GPBP1L1: variants seen among roughly 807,000 people sequenced by gnomAD.
The protein encoded by GPBP1L1 is vasculin-like protein 1.
A neutral mutation model predicts 52.5 loss-of-function variants in GPBP1L1; 23 were observed. The ratio of observed to expected loss-of-function variants is 0.44; its 90% CI spans 0.32 to 0.62. GPBP1L1 has a LOEUF of 0.62. GPBP1L1 is among the 20% of genes least tolerant of loss of function. The probability of loss-of-function intolerance (pLI) is 0.06; values close to 1 mark genes in which losing one functional copy is unlikely to be tolerated. For missense variants in GPBP1L1, 596 were observed against 579.3 expected (o/e 1.03, Z -0.30); for synonymous variants, 243 against 203.1 (o/e 1.20, Z -1.67).
intron 9 of GPBP1L1, 165 bp from the exon 10 acceptor site, chr1:45,633,812 T>C: frequency 1.3e-6 from 1 of 769,700 alleles, no homozygotes. Flanking sequence ...TTGCAGGGTT[T>C]ATATAGTTAA....
At chr1:45,680,141 T>C (rs956967081) in intron 2 of GPBP1L1, among the ~76,000 whole-genome samples, 4 of 151,992 alleles carry the variant, frequency 2.6e-5, no homozygotes, top group African/African-American at 9.7e-5. Flanking sequence ...TCCCTATGAT[T>C]ACAAGTAAAC....
intron 2 of GPBP1L1, among the ~76,000 whole-genome samples, chr1:45,663,084 T>G (rs1052848396): frequency 4.1e-5 from 6 of 146,418 alleles, no homozygotes; most frequent in Non-Finnish European, 9.0e-5. Context: ...CCCAAAATTG[T>G]TTTTATATAA....
At chr1:45,678,445 TAAAG>T in intron 2 of GPBP1L1, among the ~76,000 whole-genome samples, 1 of 152,274 alleles carries the variant, frequency 6.6e-6, no homozygotes, top group South Asian at 2.1e-4. Flanking sequence ...ACTACCTTAA[TAAAG>T]AACCAATCTT....
chr1:45,685,773 C>A (rs1382901786), intron 1 of GPBP1L1, among the ~76,000 whole-genome samples, 153 bp from the exon 2 acceptor site: 3 of 152,162 alleles, frequency 2.0e-5, no homozygotes, highest in Non-Finnish European at 4.4e-5. Context: ...TCGAATTTCA[C>A]GGGTTGGGGA....
chr1:45,669,692 A>T (rs150947359), intron 2 of GPBP1L1, among the ~76,000 whole-genome samples: 166 of 152,190 alleles, frequency 1.1e-3, no homozygotes, highest in African/African-American at 3.8e-3. Context: ...TGGATAGTTT[A>T]CAATCTGTGT....
In GPBP1L1 at chr1:45,628,362, C is replaced by T. The variant is rs144842150; in HGVS notation, c.1319G>A (p.Ser440Asn). The T allele has an allele frequency of 1.5e-3, 2,392 of 1,614,100 alleles. 1 individual carries two copies. The highest frequency in any genetic ancestry group is 2.0e-3 in the Non-Finnish European group (2,310 of 1,180,016). The change falls in exon 13 of 13, where the codon AGT (serine) becomes AAT (asparagine). Residue 440 changes from serine (S) to asparagine (N), a missense_variant. Coordinates refer to ENST00000355105, the MANE Select transcript of GPBP1L1 (RefSeq NM_021639.5). Reference protein sequence around the residue: ...FGKNGFLQSRSSSLFSPWRST... With the variant: ...FGKNGFLQSRNSSLFSPWRST... The stretch of plus-strand genomic sequence containing the variant: ...TCTCCAAGGGGAGAACAGACTGGAA[C>T]TGCGGCTCTGCAAGAAGCCATTCTT...
chr1:45,639,217 G>T (rs1006068778), intron 8 of GPBP1L1, among the ~76,000 whole-genome samples: 1 of 151,986 alleles, frequency 6.6e-6, no homozygotes, highest in African/African-American at 2.4e-5. Flanking sequence ...TTTTTGGAAT[G>T]ATCATTCTGG....
At chr1:45,664,488 C>T (rs1160783468) in intron 2 of GPBP1L1, among the ~76,000 whole-genome samples, 3 of 151,972 alleles carry the variant, frequency 2.0e-5, no homozygotes, top group Non-Finnish European at 2.9e-5. Context: ...ATGGCGTGAA[C>T]CCGGGAGGTG....
At chr1:45,676,710 C>CAAAAAA (rs1189531708) in intron 2 of GPBP1L1, among the ~76,000 whole-genome samples, 13 of 63,274 alleles carry the variant, frequency 2.1e-4, no homozygotes, top group African/African-American at 6.6e-4. Context: ...AACTCTGTCT[C>CAAAAAA]AAAAAAAAAA....
At chr1:45,659,742 C>T (rs117158743) in intron 3 of GPBP1L1, among the ~76,000 whole-genome samples, 2 of 152,236 alleles carry the variant, frequency 1.3e-5, no homozygotes, top group East Asian at 3.9e-4. Context: ...CAGTTCGAGA[C>T]CAGTCTGGGC....
At chr1:45,658,816 C>A in intron 4 of GPBP1L1, 1 of 528,600 alleles carries the variant, frequency 1.9e-6, no homozygotes, top group South Asian at 2.7e-5. Flanking sequence ...TGGTACACAG[C>A]CTGTAGGCCC....
chr1:45,675,769 G>T (rs1049909588), intron 2 of GPBP1L1, among the ~76,000 whole-genome samples: 2 of 152,078 alleles, frequency 1.3e-5, no homozygotes, highest in African/African-American at 4.8e-5. Context: ...TCAAACTCCT[G>T]GAGTCAAGCA....
chr1:45,646,075 T>A (rs1644741772), intron 6 of GPBP1L1: 5 of 470,602 alleles, frequency 1.1e-5, no homozygotes, highest in South Asian at 8.1e-5. Flanking sequence ...CGATGCTTCA[T>A]CATCACAGCT....
At chr1:45,665,827 T>C (rs1006399556) in intron 2 of GPBP1L1, among the ~76,000 whole-genome samples, 2 of 151,786 alleles carry the variant, frequency 1.3e-5, no homozygotes, top group African/African-American at 4.8e-5. Flanking sequence ...CTTTCGACTC[T>C]TCAAGGTCAA....
At chr1:45,638,944 C>A (rs1644631488) in intron 8 of GPBP1L1, among the ~76,000 whole-genome samples, 1 of 152,266 alleles carries the variant, frequency 6.6e-6, no homozygotes, top group Admixed American at 6.5e-5. Context: ...TTACTCTGCA[C>A]ACTGACTATA....
intron 2 of GPBP1L1, among the ~76,000 whole-genome samples, chr1:45,680,626 T>G (rs1027069377): frequency 1.3e-5 from 2 of 152,128 alleles, no homozygotes; most frequent in African/African-American, 4.8e-5. Flanking sequence ...AATGCAAATA[T>G]TAATTTTTAA....
chr1:45,643,658 C>CT (rs113388167), intron 6 of GPBP1L1, among the ~76,000 whole-genome samples: 2,110 of 65,164 alleles, frequency 0.032, 340 homozygotes, highest in East Asian at 0.074. Context: ...AGGAGAATGG[C>CT]TTTTTTTTTT....
At chr1:45,629,339 A>G (rs1644497771) in intron 12 of GPBP1L1, among the ~76,000 whole-genome samples, 1 of 152,058 alleles carries the variant, frequency 6.6e-6, no homozygotes, top group Non-Finnish European at 1.5e-5. Flanking sequence ...AGGATGAAAG[A>G]GCATACTATT....
intron 2 of GPBP1L1, among the ~76,000 whole-genome samples, chr1:45,685,374 G>A (rs761323976): frequency 6.6e-6 from 1 of 152,110 alleles, no homozygotes; most frequent in Non-Finnish European, 1.5e-5. Context: ...ATTATTAACT[G>A]TATTTTTCTG....
Sources: allele counts gnomAD v4.1 joint callset (sites outside exome capture counted in the v4.1 genomes callset), GRCh38; gene constraint gnomAD v4.1.1; transcripts MANE v1.5; gene names NCBI Gene and HGNC (gene_info 2026-07-23, HGNC 2026-07-21).